The following FAM13C variants were observed in gnomAD, a reference collection of about 807,000 sequenced individuals.
FAM13C encodes protein FAM13C.
FAM13C carries 37 observed loss-of-function variants against 73.2 expected under a neutral mutation model. That is an observed-to-expected ratio of 0.51 (90% CI 0.39 to 0.67). The LOEUF is 0.67. FAM13C is among the 30% of genes least tolerant of loss of function. The pLI is 0.00. For missense variants in FAM13C, 589 were observed against 715.6 expected, an observed-to-expected ratio of 0.82 and a Z score of 2.02; for synonymous variants, 246 against 260.9, an observed-to-expected ratio of 0.94 and a Z score of 0.55.
chr10:59,328,087 T>C (rs142517519), intron 3 of FAM13C, among the ~76,000 whole-genome samples: 2 of 152,290 alleles, frequency 1.3e-5, no homozygotes, highest in Non-Finnish European at 2.9e-5. Flanking sequence ...TCACCCCTAG[T>C]ATGTCCCAAG....
intron 4 of FAM13C, among the ~76,000 whole-genome samples, chr10:59,311,850 C>G (rs575324826): frequency 7.3e-4 from 111 of 152,276 alleles, no homozygotes; most frequent in Non-Finnish European, 1.4e-3. Context: ...GAGTGGCAAC[C>G]TACCAAGTAA....
intron 12 of FAM13C, among the ~76,000 whole-genome samples, chr10:59,252,044 C>G (rs969502890): frequency 6.6e-6 from 1 of 152,098 alleles, no homozygotes; most frequent in Non-Finnish European, 1.5e-5. Context: ...TACAGAGGAG[C>G]AGCTTTTAAA....
Position 59,317,481 on chromosome 10 carries a change from G to A in FAM13C, c.443+6507C>T, listed in dbSNP as rs373158293. ...CTAGAAATATCATTTCTAACAAAGG[G>A]CTATAATGATACCAAAGCTTGCAAA... is the stretch of plus-strand genomic sequence containing the variant. On this transcript the variant is annotated intron_variant, in intron 4 of 13. Coordinates refer to ENST00000618804, the MANE Select transcript of FAM13C (RefSeq NM_198215.4). Among the ~76,000 whole-genome samples, 5 of 152,210 alleles carry A rather than the reference G, an allele frequency of 3.3e-5. No homozygotes were observed. In the East Asian group the frequency reaches 9.6e-4, roughly 29 times the overall value.
At position 59,343,303 on chromosome 10, in the gene FAM13C, C is replaced by T. The variant is rs79172672; in HGVS notation, c.324+8967G>A. 9.9e-3 allele frequency among the ~76,000 whole-genome samples: 1,500 copies of T among 152,216 alleles called. 27 individuals carry two copies. Among genetic ancestry groups the T allele is most frequent in the African/African-American group, 0.034 (1,427 of 41,520 alleles). ...TGTTCAAAACAATAATATAATAGCA[C>T]GTATATCCTTTGGTGATACTTAATT... is the stretch of plus-strand genomic sequence containing the variant. On this transcript the variant is annotated intron_variant, in intron 3 of 13. Transcript: ENST00000618804.
At chr10:59,353,819 A>G (rs1004871943) in intron 2 of FAM13C, among the ~76,000 whole-genome samples, 1 of 152,240 alleles carries the variant, frequency 6.6e-6, no homozygotes, top group Non-Finnish European at 1.5e-5. Flanking sequence ...CTGGTAAAGG[A>G]GAATCCAACA....
At chr10:59,331,422 AGAGT>A (rs1326865894) in intron 3 of FAM13C, among the ~76,000 whole-genome samples, 1 of 152,212 alleles carries the variant, frequency 6.6e-6, no homozygotes, top group East Asian at 1.9e-4. Context: ...GACTATTTTT[AGAGT>A]GAGAGTCAAA....
chr10:59,281,726 A>C (rs1844943674), intron 6 of FAM13C, among the ~76,000 whole-genome samples: 1 of 152,234 alleles, frequency 6.6e-6, no homozygotes, highest in South Asian at 2.1e-4. Context: ...GCCCATGCCG[A>C]ATTAGAAAAT....
chr10:59,361,823 TA>T (rs1219835253), intron 1 of FAM13C, among the ~76,000 whole-genome samples: 2 of 152,194 alleles, frequency 1.3e-5, no homozygotes, highest in African/African-American at 4.8e-5. Context: ...TTAGTTGCCC[TA>T]ATCAACAGCT....
chr10:59,306,098 G>GA (rs1402025008), intron 4 of FAM13C, among the ~76,000 whole-genome samples: 1 of 152,126 alleles, frequency 6.6e-6, no homozygotes, highest in Non-Finnish European at 1.5e-5. Context: ...TTCTCTAATA[G>GA]AAAAAATATT....
chr10:59,334,551 A>G (rs1210211727), intron 3 of FAM13C, among the ~76,000 whole-genome samples: 1 of 152,190 alleles, frequency 6.6e-6, no homozygotes, highest in Admixed American at 6.5e-5. Context: ...AACGTGCCAC[A>G]TATACACCAT....
intron 3 of FAM13C, among the ~76,000 whole-genome samples, chr10:59,335,238 C>A (rs1170501658): frequency 6.6e-6 from 1 of 152,120 alleles, no homozygotes; most frequent in East Asian, 1.9e-4. Context: ...AGCATGCTTC[C>A]TTCTATGCAA....
Position 59,265,332 on chromosome 10 carries a change from G to GT in FAM13C, c.943-1167_943-1166insA, listed in dbSNP as rs1315548990. Among the ~76,000 whole-genome samples, 6 of 46,040 alleles carry GT rather than the reference G, an allele frequency of 1.3e-4. 2 individuals are homozygous for GT. The highest frequency in any genetic ancestry group is 8.2e-4 in the African/African-American group (6 of 7,358). 30.2% of individuals were successfully genotyped at this position (46,040 alleles called of 152,430 possible). The stretch of plus-strand genomic sequence containing the variant: ...GGGAAGGGGTTTTGGCGGGGGGGGG[G>GT]GGGAATCCTGGTTTCAGGACCATGG... On this transcript the variant is annotated intron_variant, in intron 8 of 13. Transcript: ENST00000618804.
chr10:59,332,743 AGT>A (rs897817651), intron 3 of FAM13C, among the ~76,000 whole-genome samples: 5 of 152,218 alleles, frequency 3.3e-5, no homozygotes, highest in African/African-American at 1.2e-4. Context: ...CAACTGGAGC[AGT>A]GAGTCAGCAC....
chr10:59,324,497 T>C (rs1478944273), intron 3 of FAM13C, among the ~76,000 whole-genome samples: 1 of 151,870 alleles, frequency 6.6e-6, no homozygotes, highest in East Asian at 1.9e-4. Context: ...TGTATGAATG[T>C]TCACACATAC....
intron 12 of FAM13C, 131 bp from the exon 13 acceptor site, chr10:59,251,807 A>ATGG: frequency 1.5e-6 from 1 of 672,154 alleles, no homozygotes; most frequent in Non-Finnish European, 2.5e-6. Context: ...GTATCTTTTG[A>ATGG]GTAAATATGA....
chr10:59,346,631 TG>T (rs1854325828), intron 3 of FAM13C, among the ~76,000 whole-genome samples: 1 of 152,044 alleles, frequency 6.6e-6, no homozygotes, highest in East Asian at 1.9e-4. Flanking sequence ...TGGCACGGAG[TG>T]GGGATGACAA....
intron 3 of FAM13C, among the ~76,000 whole-genome samples, chr10:59,334,225 A>G (rs549926326): frequency 1.7e-4 from 26 of 152,332 alleles, no homozygotes; most frequent in African/African-American, 6.3e-4. Flanking sequence ...AGGAAATGGA[A>G]TATTATGTAT....
chr10:59,289,467 G>A (rs868146093), intron 5 of FAM13C, among the ~76,000 whole-genome samples: 22 of 152,310 alleles, frequency 1.4e-4, no homozygotes, highest in South Asian at 4.1e-4. Flanking sequence ...CAGAGTTCGT[G>A]TCCACCTTGC....
Position 59,252,980 on chromosome 10 carries a change from C to G in FAM13C, c.1351G>C (p.Asp451His). The G allele has an allele frequency of 6.2e-7, 1 of 1,613,646 alleles. No individual in the cohort carries two copies. The highest frequency in any genetic ancestry group is 8.5e-7 in the Non-Finnish European group (1 of 1,179,944). ...TGGCTTCCCTGTGGACGGTCTTCAT[C>G]AGAGTCCTCTTCCTCCTGCTTATCA... Reference protein sequence around the residue: ...IPTIQEEEDSDEDRPQGSQQP... With the variant: ...IPTIQEEEDSHEDRPQGSQQP... Residue 451 changes from aspartate to histidine, a missense_variant, in exon 12 of 14, where the codon GAT becomes CAT. By Grantham distance (81) the Asp-to-His change is moderately conservative. Coordinates refer to ENST00000618804, the MANE Select transcript of FAM13C (RefSeq NM_198215.4).
Sources: allele counts gnomAD v4.1 joint callset (sites outside exome capture counted in the v4.1 genomes callset), GRCh38; gene constraint gnomAD v4.1.1; transcripts MANE v1.5; gene names NCBI Gene and HGNC (gene_info 2026-07-23, HGNC 2026-07-21).